The following CENPQ variants were observed in gnomAD, a reference collection of about 807,000 sequenced individuals.
The protein encoded by CENPQ is centromere protein Q.
In CENPQ, 27 loss-of-function variants were observed where a neutral mutation model predicts 36.6. The observed-to-expected ratio is 0.74, with a 90% CI of 0.54 to 1.02. The LOEUF (loss-of-function observed/expected upper bound fraction) is 1.02, where lower values mean the gene tolerates loss of function less well. CENPQ is among the 50% of genes least tolerant of loss of function. The pLI, the probability that CENPQ is intolerant of heterozygous loss-of-function variation, is 0.00. For missense variants in CENPQ, 306 were observed against 301.8 expected (o/e 1.01, Z -0.10); for synonymous variants, 101 against 101.7 (o/e 0.99, Z 0.04).
intron 1 of CENPQ, among the ~76,000 whole-genome samples, chr6:49,464,323 T>G (rs1767945137): frequency 1.3e-5 from 2 of 152,220 alleles, no homozygotes; most frequent in African/African-American, 4.8e-5. Flanking sequence ...AAAATGCTAC[T>G]AATCATCTCA....
At position 49,486,452 on chromosome 6, in the gene CENPQ, A is replaced by C. The variant is rs187794311; in HGVS notation, c.478-1900A>C. Among the ~76,000 whole-genome samples, 223 of 152,338 alleles carry C rather than the reference A, an allele frequency of 1.5e-3. 1 individual carries two copies. The highest frequency in any genetic ancestry group is 0.014 in the Middle Eastern group (4 of 294). On this transcript the variant is annotated intron_variant, in intron 6 of 8. Transcript: ENST00000335783. ...AAACACAGGGCTGAGGAACCAGTTA[A>C]ACTTCACCAGGGAATACAGTTCACA...
Position 49,472,127 on chromosome 6 carries a change from A to G in CENPQ, c.222A>G (p.Gln74=), listed in dbSNP as rs1336174831. ...KTAASKRKTW[Q]PLSKSTRDHL... ...CAGCCAGCAAGAGAAAAACCTGGCA[A>G]CCTCTGTCAAAGAGTACCAGAGACC... Residue 74 remains glutamine, a synonymous_variant, in exon 4 of 9, where the codon CAA becomes CAG. Coordinates refer to ENST00000335783, the MANE Select transcript of CENPQ (RefSeq NM_018132.4). 1 of 1,612,834 alleles carries G rather than the reference A, an allele frequency of 6.2e-7. No individual in the cohort carries two copies. The highest frequency in any genetic ancestry group is 1.3e-5 in the African/African-American group (1 of 74,890).
chr6:49,473,702 T>C (rs1209647950), intron 5 of CENPQ, among the ~76,000 whole-genome samples: 2 of 152,054 alleles, frequency 1.3e-5, no homozygotes, highest in Non-Finnish European at 2.9e-5. Flanking sequence ...GGCTAAATGC[T>C]CCAGTTAAAA....
chr6:49,470,497 T>C (rs1768104079), intron 2 of CENPQ, among the ~76,000 whole-genome samples: 1 of 151,704 alleles, frequency 6.6e-6, no homozygotes, highest in Admixed American at 6.6e-5. Context: ...TGCACACCTG[T>C]AATCTCAGCT....
intron 5 of CENPQ, among the ~76,000 whole-genome samples, chr6:49,474,520 G>A (rs1333994733): frequency 6.6e-6 from 1 of 152,138 alleles, no homozygotes; most frequent in Non-Finnish European, 1.5e-5. Flanking sequence ...TTAAAGCAGT[G>A]TGTAGAGGGA....
intron 5 of CENPQ, among the ~76,000 whole-genome samples, chr6:49,473,877 T>C (rs1052762545): frequency 5.3e-5 from 8 of 152,232 alleles, no homozygotes; most frequent in Non-Finnish European, 8.8e-5. Flanking sequence ...TCCTAGTCTC[T>C]GATAAAACAG....
Position 49,472,619 on chromosome 6 carries a change from A to C in CENPQ, c.279-171A>C, listed in dbSNP as rs533792075. ...TGTGGCAAAATATATATATAAGAAG[A>C]ATTTTTTCATTGTACTTCTGTTTAA... On this transcript the variant is annotated intron_variant, in intron 4 of 8. Coordinates refer to ENST00000335783, the MANE Select transcript of CENPQ (RefSeq NM_018132.4). Among the ~76,000 whole-genome samples the C allele has an allele frequency of 3.3e-5, 5 of 152,184 alleles. No homozygotes were observed. In the East Asian group the frequency reaches 9.7e-4, roughly 29 times the overall value.
rs1768740184 is a variant in CENPQ at position 49,492,254 on chromosome 6, T to C, written c.786T>C (p.Tyr262=). Residue 262 remains tyrosine (Y), a synonymous_variant, in exon 9 of 9, where the codon TAT becomes TAC. Transcript: ENST00000335783. ...TGTCAACCTTCATTGAAGAAGCCTA[T>C]AAGAAACTGGATGCATCTTAAAGAG... ...KSMSTFIEEA[Y]KKLDAS The C allele has an allele frequency of 1.3e-6, 2 of 1,597,886 alleles. No homozygotes were observed. The highest frequency in any genetic ancestry group is 8.5e-7 in the Non-Finnish European group (1 of 1,174,678).
Position 49,482,011 on chromosome 6 carries a change from C to T in CENPQ, c.477+931C>T, listed in dbSNP as rs923188287. ...CCCGGCGACAAATTGAGCGCAGGGC[C>T]GGTGGGCCGGCACTGCTGGGGGACC... On this transcript the variant is annotated intron_variant, in intron 6 of 8. Coordinates refer to ENST00000335783, the MANE Select transcript of CENPQ (RefSeq NM_018132.4). Among the ~76,000 whole-genome samples the T allele has an allele frequency of 1.9e-4, 29 of 152,240 alleles. No homozygotes were observed. In the East Asian group the frequency reaches 2.3e-3, roughly 12 times the overall value.
At chr6:49,486,885 G>A (rs562802682) in intron 6 of CENPQ, among the ~76,000 whole-genome samples, 23 of 151,898 alleles carry the variant, frequency 1.5e-4, no homozygotes, top group African/African-American at 5.3e-4. Context: ...GGTGGCTCAC[G>A]CCTGTAATCC....
intron 6 of CENPQ, 25 bp downstream of exon 6, chr6:49,481,105 A>G (rs1312627996): frequency 1.3e-6 from 2 of 1,561,496 alleles, no homozygotes; most frequent in African/African-American, 2.8e-5. Flanking sequence ...TAGGGAATCC[A>G]TAATTAGAGA....
At chr6:49,474,210 A>G (rs1259367372) in intron 5 of CENPQ, among the ~76,000 whole-genome samples, 1 of 152,218 alleles carries the variant, frequency 6.6e-6, no homozygotes, top group Admixed American at 6.5e-5. Flanking sequence ...TCAACAGAAT[A>G]TATATTCTTC....
chr6:49,483,180 C>G (rs1460013998), intron 6 of CENPQ, among the ~76,000 whole-genome samples: 1 of 152,232 alleles, frequency 6.6e-6, no homozygotes, highest in East Asian at 1.9e-4. Context: ...ACCAGAGTAG[C>G]TAGATACGGA....
chr6:49,472,395 A>G (rs1416078568), intron 4 of CENPQ, among the ~76,000 whole-genome samples: 1 of 152,144 alleles, frequency 6.6e-6, no homozygotes, highest in African/African-American at 2.4e-5. Context: ...AATAAAAGCA[A>G]GTGTTTGTGG....
chr6:49,486,593 G>A (rs770006164), intron 6 of CENPQ, among the ~76,000 whole-genome samples: 1 of 151,818 alleles, frequency 6.6e-6, no homozygotes, highest in Non-Finnish European at 1.5e-5. Flanking sequence ...GTCACAACCA[G>A]TTTGGAACCT....
chr6:49,481,792 T>A (rs1358546274), intron 6 of CENPQ, among the ~76,000 whole-genome samples: 5 of 152,040 alleles, frequency 3.3e-5, no homozygotes, highest in African/African-American at 1.2e-4. Context: ...GGGCTGCAGG[T>A]GGAGCTGCCT....
intron 8 of CENPQ, among the ~76,000 whole-genome samples, chr6:49,489,359 C>T (rs1276141332): frequency 6.6e-6 from 1 of 152,214 alleles, no homozygotes. Flanking sequence ...CAATTTTTAT[C>T]ATGAGATTGC....
intron 6 of CENPQ, among the ~76,000 whole-genome samples, chr6:49,485,710 C>G (rs547313297): frequency 6.6e-6 from 1 of 151,268 alleles, no homozygotes; most frequent in African/African-American, 2.4e-5. Context: ...AGAAGAAACA[C>G]TAAAGCAAAT....
intron 7 of CENPQ, 30 bp from the exon 8 acceptor site, chr6:49,488,577 G>T: frequency 6.2e-7 from 1 of 1,602,040 alleles, no homozygotes; most frequent in Non-Finnish European, 8.5e-7. Flanking sequence ...TCAGCTTTTT[G>T]AAATAATCTG....
Sources: allele counts gnomAD v4.1 joint callset (sites outside exome capture counted in the v4.1 genomes callset), GRCh38; gene constraint gnomAD v4.1.1; transcripts MANE v1.5; gene names NCBI Gene and HGNC (gene_info 2026-07-23, HGNC 2026-07-21).